CELF2: variants seen among roughly 807,000 people sequenced by gnomAD.
CELF2 encodes the protein CUG triplet repeat RNA-binding protein 2.
Under a neutral mutation model 62.6 loss-of-function variants are expected in CELF2, and 8 were observed. That is an observed-to-expected ratio of 0.13 (90% CI 0.07 to 0.23). The LOEUF (loss-of-function observed/expected upper bound fraction) is 0.23. Ranked by LOEUF, CELF2 falls within the 10% of genes least tolerant of loss-of-function variation. The pLI, the probability that CELF2 is intolerant of heterozygous loss-of-function variation, is 1.00. For synonymous variants in CELF2, 258 were observed against 250.0 expected (o/e 1.03, Z -0.30); for missense variants, 333 against 671.0 (o/e 0.50, Z 5.56).
intron 1 of CELF2, among the ~76,000 whole-genome samples, chr10:11,105,964 A>C (rs1392826407): frequency 6.6e-6 from 1 of 152,240 alleles, no homozygotes; most frequent in Non-Finnish European, 1.5e-5. Context: ...TTGTAATGAG[A>C]ACAAAAAATC....
rs1487149758 is a variant in CELF2 at position 11,242,150 on chromosome 10, G to T, written c.355-7003G>T. Among the ~76,000 whole-genome samples, 1 of 152,156 alleles carries T rather than the reference G, an allele frequency of 6.6e-6. No individual in the cohort carries two copies. Among genetic ancestry groups the T allele is most frequent in the African/African-American group, 2.4e-5 (1 of 41,422 alleles). On this transcript the variant is annotated intron_variant, in intron 3 of 12. Coordinates refer to ENST00000633077, the MANE Select transcript of CELF2 (RefSeq NM_001326342.2). The surrounding 1 kb of genome is among the most constrained non-coding windows in gnomAD (Gnocchi z 4.8). ...GGCAGTAAGCTCACAATATGTGCTAGCACGGCTGCTCTCTCCAGGGGTCAG... is the reference window on the plus strand; with the variant it reads ...GGCAGTAAGCTCACAATATGTGCTATCACGGCTGCTCTCTCCAGGGGTCAG...
chr10:11,055,004 C>T (rs886592291), intron 1 of CELF2, among the ~76,000 whole-genome samples: 6 of 152,212 alleles, frequency 3.9e-5, no homozygotes, highest in African/African-American at 7.2e-5. Context: ...CTTGCGCCAC[C>T]GCACCCGGCT....
chr10:10,787,337 C>T, the CELF2 span, among the ~76,000 whole-genome samples: 5 of 152,126 alleles, frequency 3.3e-5, no homozygotes, highest in African/African-American at 1.2e-4. Flanking sequence ...AGCTAGGATA[C>T]AGTTGTTTTT....
chr10:10,705,254 A>G, the CELF2 span, among the ~76,000 whole-genome samples: 1 of 151,904 alleles, frequency 6.6e-6, no homozygotes, highest in Non-Finnish European at 1.5e-5. Flanking sequence ...AGACTATTCC[A>G]CATATGAACG....
the CELF2 span, among the ~76,000 whole-genome samples, chr10:10,674,721 G>C: frequency 2.0e-4 from 31 of 151,978 alleles, no homozygotes; most frequent in African/African-American, 6.3e-4. Context: ...GGTTGCCTTA[G>C]AGTCATTAAT....
At chr10:10,857,650 TA>T (rs1295914654) in intron 1 of CELF2, among the ~76,000 whole-genome samples, 146 of 2,492 alleles carry the variant, frequency 0.059, no homozygotes, top group South Asian at 0.31. Flanking sequence ...ATATATATAG[TA>T]TATATATATA....
At chr10:10,724,655 C>CAAAAAAAAAA in the CELF2 span, among the ~76,000 whole-genome samples, 3 of 81,180 alleles carry the variant, frequency 3.7e-5, no homozygotes, top group Non-Finnish European at 4.6e-5. Context: ...GACTCCGTCT[C>CAAAAAAAAAA]AAAAAAAAAA....
rs2094974669 is a variant in CELF2 at position 11,316,300 on chromosome 10, C to G, written c.1096+2042C>G. The stretch of plus-strand genomic sequence containing the variant: ...ATAACCCCTGCTAGATAGTATGAAC[C>G]AAGAAAATATTTAATTAAACCCAAA... On this transcript the variant is annotated intron_variant, in intron 10 of 12. Transcript: ENST00000633077. The surrounding 1 kb of genome is among the most constrained non-coding windows in gnomAD (Gnocchi z 4.4). Among the ~76,000 whole-genome samples the G allele has an allele frequency of 6.6e-6, 1 of 152,082 alleles. No individual in the cohort carries two copies. Among genetic ancestry groups the G allele is most frequent in the South Asian group, 2.1e-4 (1 of 4,828 alleles).
rs1191383862 is a variant in CELF2, at chr10:11,260,063, T to A, written c.538+2191T>A. Among the ~76,000 whole-genome samples, 5 of 152,192 alleles carry A rather than the reference T, an allele frequency of 3.3e-5. No homozygotes were observed. Among genetic ancestry groups the A allele is most frequent in the African/African-American group, 7.2e-5 (3 of 41,442 alleles). On this transcript the variant is annotated intron_variant, in intron 5 of 12. Coordinates refer to ENST00000633077, the MANE Select transcript of CELF2 (RefSeq NM_001326342.2). The surrounding 1 kb of genome is among the most constrained non-coding windows in gnomAD (Gnocchi z 4.2). ...TGGCTTAGGGGCCAGTGACCCCAAG[T>A]TCCAGACCCACAACTTCTACTGAAA... is the stretch of plus-strand genomic sequence containing the variant.
chr10:10,788,155 G>C, the CELF2 span, among the ~76,000 whole-genome samples: 5 of 152,252 alleles, frequency 3.3e-5, no homozygotes, highest in South Asian at 1.0e-3. Context: ...AGAAGCTTCA[G>C]ACCAGTAAGA....
intron 1 of CELF2, among the ~76,000 whole-genome samples, chr10:11,027,966 C>A (rs2059498176): frequency 6.6e-6 from 1 of 152,178 alleles, no homozygotes. Flanking sequence ...CCCGCATTTC[C>A]CGGGAGAATC....
chr10:10,824,315 A>G (rs957534434), intron 1 of CELF2, among the ~76,000 whole-genome samples: 34 of 152,310 alleles, frequency 2.2e-4, no homozygotes, highest in African/African-American at 7.5e-4. Flanking sequence ...GTATTTATTT[A>G]TTTGGCCAAC....
intron 1 of CELF2, among the ~76,000 whole-genome samples, chr10:10,892,498 C>T (rs1456163718): frequency 6.6e-6 from 1 of 152,208 alleles, no homozygotes; most frequent in Non-Finnish European, 1.5e-5. Flanking sequence ...TGAGCCGACT[C>T]ACAGTGAATT....
intron 1 of CELF2, among the ~76,000 whole-genome samples, chr10:11,142,185 C>T (rs1414388644): frequency 6.6e-6 from 1 of 152,184 alleles, no homozygotes; most frequent in Admixed American, 6.5e-5. Flanking sequence ...ATCACTGTAT[C>T]TTGAATGATA....
chr10:10,704,569 T>C, the CELF2 span, among the ~76,000 whole-genome samples: 1 of 152,182 alleles, frequency 6.6e-6, no homozygotes, highest in African/African-American at 2.4e-5. Flanking sequence ...GGGTACTTCA[T>C]TTCAAACTAT....
At chr10:11,167,779 A>G (rs189871300) in intron 2 of CELF2, among the ~76,000 whole-genome samples, 5 of 152,336 alleles carry the variant, frequency 3.3e-5, no homozygotes, top group African/African-American at 1.2e-4. Context: ...CGTGCTATGT[A>G]TCTCAGACCC....
intron 4 of CELF2, chr10:11,257,460 A>G (rs759089022): frequency 3.3e-6 from 1 of 303,662 alleles, no homozygotes; most frequent in Non-Finnish European, 6.4e-6. Flanking sequence ...TAGTTTCTGA[A>G]TAGGAGAAAA....
chr10:10,728,251 C>A, the CELF2 span, among the ~76,000 whole-genome samples: 1 of 149,150 alleles, frequency 6.7e-6, no homozygotes, highest in Non-Finnish European at 1.5e-5. Flanking sequence ...CCAGCCTGAC[C>A]AACGTGGCAA....
the CELF2 span, among the ~76,000 whole-genome samples, chr10:10,693,417 T>C: frequency 1.3e-5 from 2 of 149,788 alleles, no homozygotes; most frequent in African/African-American, 4.9e-5. Context: ...TTTGCCAGTA[T>C]TTTATTGAGG....
Sources: allele counts gnomAD v4.1 joint callset (sites outside exome capture counted in the v4.1 genomes callset), GRCh38; gene constraint gnomAD v4.1.1; non-coding constraint Gnocchi (gnomAD v3.1); transcripts MANE v1.5; gene names NCBI Gene and HGNC (gene_info 2026-07-23, HGNC 2026-07-21).